The following SMARCAL1 variants were observed in gnomAD, a reference collection of about 807,000 sequenced individuals.
SMARCAL1 encodes the protein ATP-driven annealing helicase.
Under a neutral mutation model 94.5 loss-of-function variants are expected in SMARCAL1, and 58 were observed. The ratio of observed to expected loss-of-function variants is 0.61; its 90% CI spans 0.50 to 0.76. SMARCAL1 has a LOEUF of 0.76. Ranked by LOEUF, SMARCAL1 falls within the 30% of genes least tolerant of loss-of-function variation. The probability of loss-of-function intolerance (pLI) is 0.00; values close to 1 mark genes in which losing one functional copy is unlikely to be tolerated. For synonymous variants in SMARCAL1, 422 were observed against 455.1 expected, an observed-to-expected ratio of 0.93 and a Z score of 0.93; for missense variants, 1,051 against 1,177.9, an observed-to-expected ratio of 0.89 and a Z score of 1.58.
intron 11 of SMARCAL1, among the ~76,000 whole-genome samples, chr2:216,447,606 G>A (rs59145595): frequency 2.2e-3 from 332 of 152,168 alleles, no homozygotes; most frequent in African/African-American, 7.7e-3. Flanking sequence ...GTAGGTGAGG[G>A]GGTAAGGGCT....
intron 3 of SMARCAL1, chr2:216,415,824 A>G: frequency 8.8e-6 from 4 of 453,590 alleles, no homozygotes. Context: ...TGAAATAAGT[A>G]GATGTTATTT....
At chr2:216,432,085 G>A (rs1176736638) in intron 7 of SMARCAL1, among the ~76,000 whole-genome samples, 2 of 149,454 alleles carry the variant, frequency 1.3e-5, no homozygotes, top group Non-Finnish European at 3.0e-5. Context: ...GCAATGGTGT[G>A]ATCTCGGTTC....
intron 12 of SMARCAL1, among the ~76,000 whole-genome samples, 178 bp from the exon 13 acceptor site, chr2:216,464,419 C>T: frequency 6.6e-6 from 1 of 152,126 alleles, no homozygotes; most frequent in East Asian, 1.9e-4. Context: ...AAAACCCGAC[C>T]CAGGCAGTTC....
intron 14 of SMARCAL1, among the ~76,000 whole-genome samples, chr2:216,472,565 A>C (rs1179308674): frequency 4.6e-5 from 7 of 151,994 alleles, no homozygotes; most frequent in African/African-American, 1.7e-4. Context: ...ACAACAGAAA[A>C]GTAATAGAAG....
chr2:216,478,076 A>G (rs1256552825), intron 16 of SMARCAL1, 127 bp from the exon 17 acceptor site: 1 of 833,750 alleles, frequency 1.2e-6, no homozygotes, highest in Non-Finnish European at 2.1e-6. Flanking sequence ...TTGCACCTTG[A>G]GAGATGCAGA....
chr2:216,416,301 G>T lies in SMARCAL1; in HGVS notation c.856G>T (p.Ala286Ser), dbSNP rs202152697. The change falls in exon 4 of 18, where the codon GCC becomes TCC. Residue 286 changes from alanine (A) to serine (S), a missense_variant. Around this residue, in one of 3 missense-constraint regions of SMARCAL1, gnomAD observed 398 missense variants for 395.2 expected, o/e 1.01. Transcript: ENST00000357276. ...GAACTTCAGCATGAATGACTATAGTGCCCTGAGTAAGTAGACACATGGTTG... is the reference window on the plus strand; with the variant it reads ...GAACTTCAGCATGAATGACTATAGTTCCCTGAGTAAGTAGACACATGGTTG... ...TWNFSMNDYSALMKAAQSLPT... is the reference protein window; with the variant it reads ...TWNFSMNDYSSLMKAAQSLPT... The T allele has an allele frequency of 6.2e-7, 1 of 1,613,162 alleles. No homozygotes were observed. Among genetic ancestry groups the T allele is most frequent in the Non-Finnish European group, 8.5e-7 (1 of 1,179,244 alleles).
intron 14 of SMARCAL1, among the ~76,000 whole-genome samples, chr2:216,474,893 G>A (rs1055908653): frequency 2.0e-5 from 3 of 152,182 alleles, no homozygotes; most frequent in Non-Finnish European, 2.9e-5. Context: ...TAACATTGGA[G>A]GTGAATATAT....
Position 216,423,951 on chromosome 2 carries a change from G to A in SMARCAL1, c.1147+268G>A, listed in dbSNP as rs553517394. Reference sequence around the variant, plus strand: ...CCCAGGCCTGTGAAATCTTCCTGCTGTCATAGAAGTGCTAGAAGCATGGGT... The same window carrying A: ...CCCAGGCCTGTGAAATCTTCCTGCTATCATAGAAGTGCTAGAAGCATGGGT... On this transcript the variant is annotated intron_variant, in intron 6 of 17. Coordinates refer to ENST00000357276, the MANE Select transcript of SMARCAL1 (RefSeq NM_014140.4). Among the ~76,000 whole-genome samples the A allele has an allele frequency of 2.0e-5, 3 of 152,302 alleles. No homozygotes were observed. The East Asian group carries it at 5.8e-4, about 29-fold the overall frequency.
chr2:216,439,813 G>A (rs544773590), intron 10 of SMARCAL1, among the ~76,000 whole-genome samples: 2 of 152,300 alleles, frequency 1.3e-5, no homozygotes, highest in Admixed American at 6.5e-5. Flanking sequence ...TGTAATCCCA[G>A]CACTTTGGGA....
In SMARCAL1 at chr2:216,465,981, T is replaced by G. The variant is rs562000362; in HGVS notation, c.2141+1314T>G. ...CCCTTCACCTCCTGGGCACTGCCCT[T>G]TTCATTTATGACCCTGCTAATGAAC... On this transcript the variant is annotated intron_variant, in intron 13 of 17. Coordinates refer to ENST00000357276, the MANE Select transcript of SMARCAL1 (RefSeq NM_014140.4). 2.0e-4 allele frequency among the ~76,000 whole-genome samples: 30 copies of G among 152,296 alleles called. No individual in the cohort carries two copies. In the South Asian group the frequency reaches 6.0e-3, roughly 30 times the overall value.
rs780104716 is a variant in SMARCAL1, at chr2:216,475,337, C to G, written c.2313C>G (p.Phe771Leu). 11 of 1,614,090 alleles carry G rather than the reference C, an allele frequency of 6.8e-6. No individual in the cohort carries two copies. The highest frequency in any genetic ancestry group is 1.6e-4 in the Middle Eastern group (1 of 6,084). ...AGCGGGAGGACCTGTGCCAGCAGTT[C>G]CAACTGTCGGAGAGGCATGCTGTGG... ...SAEREDLCQQ[F>L]QLSERHAVAV... is the part of the protein sequence containing the mutation. The change falls in exon 15 of 18, where the codon TTC becomes TTG. Residue 771 changes from phenylalanine to leucine, a missense_variant. Phe to Leu is a conservative substitution (Grantham distance 22). Transcript: ENST00000357276. The surrounding 1 kb of genome is among the most constrained non-coding windows in gnomAD (Gnocchi z 4.4).
At chr2:216,427,546 G>A (rs554200873) in intron 6 of SMARCAL1, 1 of 152,316 alleles carries the variant, frequency 6.6e-6, no homozygotes, top group East Asian at 1.9e-4. Flanking sequence ...AACATACTCA[G>A]ATTTAATTTG....
chr2:216,420,152 A>G (rs758956857), intron 4 of SMARCAL1, 147 bp from the exon 5 acceptor site: 6 of 687,156 alleles, frequency 8.7e-6, no homozygotes, highest in Non-Finnish European at 1.6e-5. Context: ...TCCTAATCTA[A>G]CAGTGCCTTT....
At position 216,432,767 on chromosome 2, in the gene SMARCAL1, C is replaced by T. The variant is rs2106033574; in HGVS notation, c.1384C>T (p.Leu462=). The part of the protein sequence containing the change: ...GRLLLADDMG[L]GKTIQAICIA... ...CCTGCTGCTCGCTGACGACATGGGC[C>T]TGGGGAAGACCATCCAAGCCATCTG... is the stretch of plus-strand genomic sequence containing the variant. Residue 462 remains leucine, a synonymous_variant, in exon 8 of 18, where the codon CTG becomes TTG. Coordinates refer to ENST00000357276, the MANE Select transcript of SMARCAL1 (RefSeq NM_014140.4). 6.2e-7 allele frequency: 1 copy of T among 1,614,168 alleles called. No individual in the cohort carries two copies. Among genetic ancestry groups the T allele is most frequent in the Non-Finnish European group, 8.5e-7 (1 of 1,180,036 alleles).
intron 13 of SMARCAL1, 63 bp from the exon 14 acceptor site, chr2:216,467,881 C>T (rs1441005750): frequency 9.9e-7 from 1 of 1,006,196 alleles, no homozygotes; most frequent in Non-Finnish European, 1.6e-6. Flanking sequence ...AGTAACATAC[C>T]AGAGACACAT....
intron 6 of SMARCAL1, among the ~76,000 whole-genome samples, chr2:216,424,080 G>A (rs190605958): frequency 2.6e-5 from 4 of 152,342 alleles, no homozygotes; most frequent in Admixed American, 6.5e-5. Flanking sequence ...TCTAGAACTG[G>A]ATGGGATGAT....
intron 12 of SMARCAL1, among the ~76,000 whole-genome samples, chr2:216,452,101 A>G (rs1432582607): frequency 6.6e-6 from 1 of 152,262 alleles, no homozygotes; most frequent in Non-Finnish European, 1.5e-5. Context: ...GCTGTATTAC[A>G]TATAATAATC....
chr2:216,421,716 T>G (rs1234854666), intron 5 of SMARCAL1, among the ~76,000 whole-genome samples: 1 of 152,224 alleles, frequency 6.6e-6, no homozygotes, highest in Non-Finnish European at 1.5e-5. Context: ...AAAAACGATG[T>G]AGTTTTTATG....
chr2:216,440,294 A>G (rs1694169493), intron 10 of SMARCAL1, among the ~76,000 whole-genome samples: 1 of 152,216 alleles, frequency 6.6e-6, no homozygotes, highest in Non-Finnish European at 1.5e-5. Flanking sequence ...CACAATAGAT[A>G]GATTCTATCA....
Sources: gnomAD v4.1 joint callset for allele counts (sites outside exome capture counted in the v4.1 genomes callset) on GRCh38, gnomAD v4.1.1 for gene constraint, gnomAD v4.1.1 regional missense constraint, Gnocchi (gnomAD v3.1) non-coding constraint, MANE v1.5 for transcripts, NCBI Gene and HGNC (gene_info 2026-07-23, HGNC 2026-07-21) for gene names.